NTNG1: variants seen among roughly 807,000 people sequenced by gnomAD.
NTNG1 encodes netrin-G1.
A neutral mutation model predicts 54.0 loss-of-function variants in NTNG1; 16 were observed. The observed-to-expected ratio is 0.30, with a 90% CI of 0.20 to 0.45. The LOEUF is 0.45. NTNG1 is among the 20% of genes least tolerant of loss of function. The pLI, the probability that NTNG1 is intolerant of heterozygous loss-of-function variation, is 1.00. For missense variants in NTNG1, 530 were observed against 678.7 expected (o/e 0.78, Z 2.43); for synonymous variants, 255 against 263.1 (o/e 0.97, Z 0.30).
intron 3 of NTNG1, among the ~76,000 whole-genome samples, chr1:107,347,529 C>T (rs1393370844): frequency 5.9e-5 from 9 of 151,944 alleles, no homozygotes; most frequent in Non-Finnish European, 1.2e-4. Flanking sequence ...AAACAAACAA[C>T]AAAACAAAAC....
intron 4 of NTNG1, among the ~76,000 whole-genome samples, chr1:107,405,533 A>G (rs565273171): frequency 6.6e-6 from 1 of 152,266 alleles, no homozygotes; most frequent in Non-Finnish European, 1.5e-5. Context: ...CCCTGGTACT[A>G]AAGGAATGAA....
rs555802141 is a variant in NTNG1 at position 107,218,982 on chromosome 1, T to TA, written c.246+70144dup. The stretch of plus-strand genomic sequence containing the variant: ...AGGCCAGAGAAATTTTCCTCGATTA[T>TA]AGCTCCAAATATGTTTTTGGAAAAA... On this transcript the variant is annotated intron_variant, in intron 2 of 7. Transcript: ENST00000370068. 1.2e-3 allele frequency among the ~76,000 whole-genome samples: 187 copies of TA among 152,306 alleles called. 1 individual carries two copies. Among genetic ancestry groups the TA allele is most frequent in the South Asian group, 5.8e-3 (28 of 4,824 alleles).
At chr1:107,390,835 T>C (rs1010304820) in intron 3 of NTNG1, among the ~76,000 whole-genome samples, 9 of 152,168 alleles carry the variant, frequency 5.9e-5, no homozygotes, top group African/African-American at 1.9e-4. Context: ...TCCCAGGAAC[T>C]TATCCTCTAG....
At chr1:107,253,858 G>T (rs1293506891) in intron 2 of NTNG1, among the ~76,000 whole-genome samples, 1 of 152,142 alleles carries the variant, frequency 6.6e-6, no homozygotes, top group East Asian at 1.9e-4. Context: ...TAACACATTT[G>T]TACTGTCTCT....
At chr1:107,424,357 C>T (rs989083736) in intron 5 of NTNG1, among the ~76,000 whole-genome samples, 7 of 152,060 alleles carry the variant, frequency 4.6e-5, no homozygotes, top group Admixed American at 4.6e-4. Context: ...TAGCAATGAG[C>T]CCCCAGGGAG....
At chr1:107,349,312 G>A (rs1432714865) in intron 3 of NTNG1, among the ~76,000 whole-genome samples, 1 of 151,978 alleles carries the variant, frequency 6.6e-6, no homozygotes, top group Non-Finnish European at 1.5e-5. Context: ...ACTGAGCTCT[G>A]TATAAAATAA....
intron 2 of NTNG1, among the ~76,000 whole-genome samples, chr1:107,265,230 T>C (rs534114944): frequency 6.6e-6 from 1 of 152,108 alleles, no homozygotes; most frequent in South Asian, 2.1e-4. Context: ...ACCAAATCAG[T>C]AGGAGGATAA....
At chr1:107,359,708 A>G (rs1670148555) in intron 3 of NTNG1, among the ~76,000 whole-genome samples, 1 of 152,106 alleles carries the variant, frequency 6.6e-6, no homozygotes, top group South Asian at 2.1e-4. Flanking sequence ...ATAGGTTTAC[A>G]TTTGCATTCA....
intron 7 of NTNG1, among the ~76,000 whole-genome samples, chr1:107,452,669 G>A (rs1435937868): frequency 6.6e-6 from 1 of 152,118 alleles, no homozygotes; most frequent in Non-Finnish European, 1.5e-5. Flanking sequence ...ATAAAGGCAG[G>A]ATGCCCCTTG....
At chr1:107,216,394 A>G (rs1250457353) in intron 2 of NTNG1, among the ~76,000 whole-genome samples, 1 of 152,114 alleles carries the variant, frequency 6.6e-6, no homozygotes, top group Non-Finnish European at 1.5e-5. Flanking sequence ...TTCTGAGTCT[A>G]TTGAGATGAT....
intron 2 of NTNG1, among the ~76,000 whole-genome samples, chr1:107,314,695 C>G (rs78514761): frequency 6.6e-6 from 1 of 152,138 alleles, no homozygotes; most frequent in Non-Finnish European, 1.5e-5. Context: ...GAGGTCTAAA[C>G]GCACATTTAC....
At chr1:107,336,621 A>C (rs1668594943) in intron 3 of NTNG1, among the ~76,000 whole-genome samples, 1 of 152,044 alleles carries the variant, frequency 6.6e-6, no homozygotes, top group South Asian at 2.1e-4. Context: ...AAAATGGGTA[A>C]GTTGAACGTC....
At chr1:107,390,303 A>G (rs1474825915) in intron 3 of NTNG1, among the ~76,000 whole-genome samples, 1 of 152,206 alleles carries the variant, frequency 6.6e-6, no homozygotes, top group Non-Finnish European at 1.5e-5. Context: ...CTTCAGCTGG[A>G]CCAGGGTGGC....
intron 2 of NTNG1, among the ~76,000 whole-genome samples, chr1:107,262,391 T>A (rs1034113637): frequency 1.3e-5 from 2 of 152,196 alleles, no homozygotes; most frequent in Non-Finnish European, 2.9e-5. Flanking sequence ...AAGATTAAAA[T>A]GTGTCAGGGA....
intron 2 of NTNG1, among the ~76,000 whole-genome samples, chr1:107,251,136 C>G (rs868800737): frequency 2.0e-5 from 3 of 152,184 alleles, no homozygotes; most frequent in South Asian, 2.1e-4. Flanking sequence ...TTCTGCATGA[C>G]TGACTCTTCT....
In NTNG1 at chr1:107,185,416, T is replaced by C. The variant is rs78446255; in HGVS notation, c.246+36577T>C. Among the ~76,000 whole-genome samples the C allele has an allele frequency of 8.0e-4, 122 of 152,212 alleles. 3 individuals are homozygous for C. The East Asian group carries it at 0.023, about 28-fold the overall frequency. ...TGCATCAGTCCAATCTCTGCCTTCC[T>C]TATCTTTACACGGCCTTCTTCACTC... On this transcript the variant is annotated intron_variant, in intron 2 of 7. Transcript: ENST00000370068.
At chr1:107,395,359 G>A (rs756440231) in intron 4 of NTNG1, 33 bp downstream of exon 4, 18 of 1,576,324 alleles carry the variant, frequency 1.1e-5, no homozygotes, top group Non-Finnish European at 1.5e-5. Flanking sequence ...AGCATATTCT[G>A]TGCACCATGA....
chr1:107,172,473 C>T (rs77754934), intron 2 of NTNG1, among the ~76,000 whole-genome samples: 2,837 of 152,228 alleles, frequency 0.019, 87 homozygotes, highest in African/African-American at 0.065. Context: ...TTACAAAATC[C>T]GTCCAAAGTC....
chr1:107,343,359 T>C (rs1669020853), intron 3 of NTNG1, among the ~76,000 whole-genome samples: 1 of 152,148 alleles, frequency 6.6e-6, no homozygotes, highest in Non-Finnish European at 1.5e-5. Context: ...GTTCACATGA[T>C]GCAATACCCA....
Sources: gnomAD v4.1 joint callset for allele counts (sites outside exome capture counted in the v4.1 genomes callset) on GRCh38, gnomAD v4.1.1 for gene constraint, MANE v1.5 for transcripts, NCBI Gene and HGNC (gene_info 2026-07-23, HGNC 2026-07-21) for gene names.